Variants in EML6 observed in about 807,000 individuals in gnomAD.
The protein encoded by EML6 is echinoderm microtubule-associated protein-like 6.
In EML6, 154 loss-of-function variants were observed where a neutral mutation model predicts 240.1. That is an observed-to-expected ratio of 0.64 (90% confidence interval 0.56 to 0.73). EML6 has a LOEUF of 0.73. Ranked by LOEUF, EML6 falls within the 30% of genes least tolerant of loss-of-function variation. The pLI, the probability that EML6 is intolerant of heterozygous loss-of-function variation, is 0.00. For missense variants in EML6, 2,964 were observed against 2,474.6 expected, an observed-to-expected ratio of 1.20 and a Z score of -4.20; for synonymous variants, 1,148 against 899.0, an observed-to-expected ratio of 1.28 and a Z score of -4.95.
chr2:54,797,169 A>AAAAAAAAC (rs553560592), intron 2 of EML6, among the ~76,000 whole-genome samples: 2,703 of 133,464 alleles, frequency 0.02, 222 homozygotes, highest in African/African-American at 0.067. Context: ...CATCTCAAAA[A>AAAAAAAAC]AAAAAAAAAA....
chr2:54,953,876 GA>G, intron 31 of EML6, 106 bp from the exon 32 acceptor site: 1 of 917,234 alleles, frequency 1.1e-6, no homozygotes, highest in Non-Finnish European at 1.6e-6. Context: ...AACAGAGCAA[GA>G]CTCTGTCTAA....
At chr2:54,925,167 G>C (rs974072972) in intron 26 of EML6, among the ~76,000 whole-genome samples, 8 of 152,054 alleles carry the variant, frequency 5.3e-5, no homozygotes, top group Non-Finnish European at 1.0e-4. Context: ...AGAGATGCCA[G>C]AGAGCTAGCT....
chr2:54,766,137 G>C (rs543185332), intron 2 of EML6, among the ~76,000 whole-genome samples: 1 of 152,176 alleles, frequency 6.6e-6, no homozygotes, highest in Admixed American at 6.5e-5. Context: ...TTGCAGACCA[G>C]ACACCTTGTG....
At chr2:54,967,543 C>A (rs1393545252) in intron 39 of EML6, among the ~76,000 whole-genome samples, 1 of 152,152 alleles carries the variant, frequency 6.6e-6, no homozygotes, top group Non-Finnish European at 1.5e-5. Flanking sequence ...TTCTCCCCAA[C>A]ACACACATAT....
At chr2:54,931,094 A>T (rs1674834645) in intron 28 of EML6, among the ~76,000 whole-genome samples, 1 of 151,048 alleles carries the variant, frequency 6.6e-6, no homozygotes, top group South Asian at 2.1e-4. Context: ...AGTAGCTGGG[A>T]CTACAGGCGC....
chr2:54,824,508 C>A (rs962171091), intron 5 of EML6, among the ~76,000 whole-genome samples: 1 of 152,078 alleles, frequency 6.6e-6, no homozygotes, highest in African/African-American at 2.4e-5. Flanking sequence ...TTGAATGATT[C>A]CAGTCATAAA....
chr2:54,868,088 G>C (rs73938641), intron 14 of EML6: 1 of 152,090 alleles, frequency 6.6e-6, no homozygotes, highest in Admixed American at 6.5e-5. Flanking sequence ...AGGAATGTAA[G>C]ATATCTCATA....
At chr2:54,888,044 C>T (rs1225180824) in intron 17 of EML6, among the ~76,000 whole-genome samples, 4 of 152,144 alleles carry the variant, frequency 2.6e-5, no homozygotes, top group Non-Finnish European at 5.9e-5. Flanking sequence ...GGCTTGCTGC[C>T]CAAAAAGCAT....
intron 26 of EML6, among the ~76,000 whole-genome samples, chr2:54,923,158 C>T (rs1026806754): frequency 1.3e-5 from 2 of 151,888 alleles, no homozygotes; most frequent in African/African-American, 2.4e-5. Context: ...TCAGGCTGGT[C>T]TCGAACTCCC....
intron 28 of EML6, among the ~76,000 whole-genome samples, chr2:54,946,166 C>A (rs2104466086): frequency 6.6e-6 from 1 of 152,290 alleles, no homozygotes; most frequent in African/African-American, 2.4e-5. Context: ...AATTTCTTGC[C>A]AATGGAAGCT....
chr2:54,852,018 G>C (rs1670117333), intron 10 of EML6, among the ~76,000 whole-genome samples: 1 of 152,180 alleles, frequency 6.6e-6, no homozygotes, highest in African/African-American at 2.4e-5. Context: ...GGGAGTATTA[G>C]AAACTCTGAG....
intron 17 of EML6, 35 bp from the exon 18 acceptor site, chr2:54,891,019 A>C: frequency 9.1e-7 from 1 of 1,096,854 alleles, no homozygotes; most frequent in Non-Finnish European, 1.3e-6. Flanking sequence ...GCTTCCATCC[A>C]AACTAGAATC....
intron 10 of EML6, 183 bp downstream of exon 10, chr2:54,850,401 A>G (rs1298375807): frequency 6.9e-6 from 4 of 581,264 alleles, no homozygotes; most frequent in African/African-American, 3.8e-5. Context: ...AATAACAGAC[A>G]TTCAAAGGAA....
chr2:54,931,567 T>C (rs1016752076), intron 28 of EML6, among the ~76,000 whole-genome samples: 1 of 152,190 alleles, frequency 6.6e-6, no homozygotes, highest in Admixed American at 6.5e-5. Flanking sequence ...CTTTGGCAAC[T>C]TCAAGCCCTG....
chr2:54,819,773 GAA>G (rs375657743), intron 4 of EML6, among the ~76,000 whole-genome samples: 3 of 123,106 alleles, frequency 2.4e-5, no homozygotes, highest in Non-Finnish European at 3.2e-5. Flanking sequence ...GACTGTCTCA[GAA>G]AAAAAAAAAA....
intron 38 of EML6, 144 bp from the exon 39 acceptor site, chr2:54,966,856 C>T (rs1676771621): frequency 3.5e-6 from 2 of 563,762 alleles, no homozygotes; most frequent in African/African-American, 3.8e-5. Flanking sequence ...TGGCCATAGG[C>T]TTTGCAGCCT....
chr2:54,842,751 A>G (rs1017283816), intron 7 of EML6, among the ~76,000 whole-genome samples: 4 of 152,260 alleles, frequency 2.6e-5, no homozygotes, highest in Non-Finnish European at 5.9e-5. Context: ...AAAATCCAAG[A>G]TACTGAGACT....
intron 28 of EML6, among the ~76,000 whole-genome samples, chr2:54,933,095 G>A (rs1674945998): frequency 6.6e-6 from 1 of 151,914 alleles, no homozygotes; most frequent in African/African-American, 2.4e-5. Flanking sequence ...AGTTCTTCAG[G>A]TAGAAAAATG....
chr2:54,866,930 C>A, intron 14 of EML6, 46 bp downstream of exon 14: 1 of 1,187,772 alleles, frequency 8.4e-7, no homozygotes, highest in Non-Finnish European at 1.2e-6. Context: ...TCTGTCTCTG[C>A]CTGGCTGTCA....
Sources: gnomAD v4.1 joint callset for allele counts (sites outside exome capture counted in the v4.1 genomes callset) on GRCh38, gnomAD v4.1.1 for gene constraint, MANE v1.5 for transcripts, NCBI Gene and HGNC (gene_info 2026-07-23, HGNC 2026-07-21) for gene names.